Variants in CPEB3 observed in about 807,000 individuals in gnomAD.
CPEB3 encodes cytoplasmic polyadenylation element-binding protein 3.
A neutral mutation model predicts 67.2 loss-of-function variants in CPEB3; 20 were observed. The observed-to-expected ratio is 0.30, with a 90% CI of 0.21 to 0.43. The LOEUF (loss-of-function observed/expected upper bound fraction) is 0.43, where lower values mean the gene tolerates loss of function less well. Among genes scored for constraint, CPEB3 ranks in the 20% least tolerant of loss-of-function variants. The pLI, the probability that CPEB3 is intolerant of heterozygous loss-of-function variation, is 1.00. For missense variants in CPEB3, 746 were observed against 968.6 expected (o/e 0.77, Z 3.05); for synonymous variants, 376 against 393.1 (o/e 0.96, Z 0.51).
intron 9 of CPEB3, among the ~76,000 whole-genome samples, chr10:92,071,349 AG>A (rs1205138930): frequency 2.0e-5 from 3 of 152,212 alleles, no homozygotes; most frequent in African/African-American, 7.2e-5. Flanking sequence ...GAGTTGCCCC[AG>A]ATTTTTATAA....
intron 7 of CPEB3, among the ~76,000 whole-genome samples, chr10:92,108,362 CT>C (rs1844570824): frequency 6.6e-6 from 1 of 152,276 alleles, no homozygotes; most frequent in East Asian, 1.9e-4. Context: ...ACAGTTCTTA[CT>C]TTTTTTCCCC....
At chr10:92,277,152 C>G (rs1842029524) in intron 1 of CPEB3, among the ~76,000 whole-genome samples, 1 of 152,050 alleles carries the variant, frequency 6.6e-6, no homozygotes, top group South Asian at 2.1e-4. Flanking sequence ...TGACTAAGTC[C>G]AATTTATCTA....
intron 1 of CPEB3, among the ~76,000 whole-genome samples, chr10:92,266,831 C>T (rs1437020646): frequency 2.6e-5 from 4 of 151,860 alleles, no homozygotes; most frequent in African/African-American, 9.7e-5. Context: ...GTCAGGAGTT[C>T]GAGACGAGCC....
chr10:92,264,089 G>A (rs1009909013), intron 1 of CPEB3, among the ~76,000 whole-genome samples: 2 of 152,154 alleles, frequency 1.3e-5, no homozygotes, highest in Non-Finnish European at 2.9e-5. Context: ...AGCACTTTGG[G>A]ATGCCGAGGC....
chr10:92,124,215 G>C (rs1157377320), intron 6 of CPEB3, among the ~76,000 whole-genome samples: 2 of 152,220 alleles, frequency 1.3e-5, no homozygotes, highest in African/African-American at 4.8e-5. Flanking sequence ...CCTTGAACAA[G>C]ATGTTTCTGT....
At chr10:92,083,781 A>ATT (rs1564764021) in intron 8 of CPEB3, among the ~76,000 whole-genome samples, 1 of 152,228 alleles carries the variant, frequency 6.6e-6, no homozygotes, top group African/African-American at 2.4e-5. Flanking sequence ...AGGACTCAAT[A>ATT]AAGTGCCTGA....
intron 1 of CPEB3, among the ~76,000 whole-genome samples, chr10:92,275,067 T>C (rs1427491167): frequency 6.6e-6 from 1 of 152,198 alleles, no homozygotes; most frequent in African/African-American, 2.4e-5. Flanking sequence ...TGTTCCCAGG[T>C]TGATTCTCAT....
chr10:92,220,695 A>C lies in CPEB3; in HGVS notation c.1005+18651T>G, dbSNP rs189506402. ...AAGAGTTTAGAGCTGGCAAAAGTCT[A>C]GTCAATTGTTCTTACCAGGCCTTGA... On this transcript the variant is annotated intron_variant, in intron 2 of 9. Transcript: ENST00000265997. 2.2e-3 allele frequency among the ~76,000 whole-genome samples: 335 copies of C among 152,304 alleles called. 2 individuals carry two copies. The highest frequency in any genetic ancestry group is 3.7e-3 in the Non-Finnish European group (254 of 68,028).
intron 1 of CPEB3, among the ~76,000 whole-genome samples, chr10:92,280,753 C>CTTTT (rs948586177): frequency 3.9e-4 from 36 of 91,634 alleles, no homozygotes; most frequent in African/African-American, 6.0e-4. Flanking sequence ...AGCATCTATT[C>CTTTT]TTTTTTTTTT....
intron 1 of CPEB3, among the ~76,000 whole-genome samples, chr10:92,276,451 A>T (rs529395079): frequency 2.0e-5 from 3 of 149,904 alleles, no homozygotes; most frequent in African/African-American, 7.4e-5. Context: ...GCTAATTTTT[A>T]TATTTTTAGT....
intron 9 of CPEB3, among the ~76,000 whole-genome samples, chr10:92,069,504 A>G (rs1842673947): frequency 6.6e-6 from 1 of 152,114 alleles, no homozygotes; most frequent in Admixed American, 6.6e-5. Context: ...CCCAGGCTCA[A>G]GTGATTCTCC....
At chr10:92,212,621 G>C (rs576001421) in intron 2 of CPEB3, among the ~76,000 whole-genome samples, 154 of 152,200 alleles carry the variant, frequency 1.0e-3, no homozygotes, top group Admixed American at 1.6e-3. Context: ...TTGAAATGTC[G>C]CTAGAATAAA....
intron 3 of CPEB3, among the ~76,000 whole-genome samples, chr10:92,186,030 G>A (rs1476461416): frequency 1.3e-5 from 2 of 151,876 alleles, no homozygotes; most frequent in Non-Finnish European, 2.9e-5. Context: ...AATATTTTGT[G>A]CCTCTGTTTC....
intron 1 of CPEB3, among the ~76,000 whole-genome samples, chr10:92,276,528 C>T (rs1437910720): frequency 6.6e-6 from 1 of 152,130 alleles, no homozygotes; most frequent in Non-Finnish European, 1.5e-5. Context: ...ATCCACCTGC[C>T]TTGGCCTCCC....
At chr10:92,144,104 ATATT>A (rs1846566448) in intron 5 of CPEB3, among the ~76,000 whole-genome samples, 1 of 152,158 alleles carries the variant, frequency 6.6e-6, no homozygotes, top group Non-Finnish European at 1.5e-5. Flanking sequence ...CTTTCAACAA[ATATT>A]TATTGACAAC....
At chr10:92,119,033 C>T (rs2133582958) in intron 6 of CPEB3, 1 of 1,559,462 alleles carries the variant, frequency 6.4e-7, no homozygotes. Flanking sequence ...TCTCATGTAT[C>T]ATACCTGGAA....
Position 92,047,259 on chromosome 10 carries a change from TAAAAG to T in CPEB3, c.*4948_*4952del, listed in dbSNP as rs1852140977. 1 of 128,712 alleles carries T rather than the reference TAAAAG, an allele frequency of 7.8e-6. No homozygotes were observed. The highest frequency in any genetic ancestry group is 2.5e-5 in the African/African-American group (1 of 39,226). The allele number at this position is 128,712 out of a possible 1,614,324, so 8.0% of individuals were successfully genotyped here. On this transcript the variant is annotated 3_prime_UTR_variant, in exon 10 of 10. Transcript: ENST00000265997. ...CTGAGATAGAGAAGTTTGGTTATTA[TAAAAG>T]AAAAAAAAAAACAAATGTTAGCTGA...
chr10:92,061,091 T>C (rs1842325262), intron 9 of CPEB3, among the ~76,000 whole-genome samples: 3 of 152,158 alleles, frequency 2.0e-5, no homozygotes. Flanking sequence ...CTGTTCACAA[T>C]AGCTAAAATT....
At chr10:92,160,761 A>G (rs1300331205) in intron 4 of CPEB3, among the ~76,000 whole-genome samples, 1 of 152,266 alleles carries the variant, frequency 6.6e-6, no homozygotes, top group African/African-American at 2.4e-5. Flanking sequence ...TGTTGTTCAC[A>G]CAAGTCTTCA....
Sources: gnomAD v4.1 joint callset for allele counts (sites outside exome capture counted in the v4.1 genomes callset) on GRCh38, gnomAD v4.1.1 for gene constraint, MANE v1.5 for transcripts, NCBI Gene and HGNC (gene_info 2026-07-23, HGNC 2026-07-21) for gene names.